The following DAZAP1 variants were observed in gnomAD, a reference collection of about 807,000 sequenced individuals.
The protein encoded by DAZAP1 is DAZ-associated protein 1.
A neutral mutation model predicts 60.1 loss-of-function variants in DAZAP1; 6 were observed. The observed-to-expected ratio is 0.10, with a 90% CI of 0.05 to 0.20. The LOEUF is 0.20. Among genes scored for constraint, DAZAP1 ranks in the 10% least tolerant of loss-of-function variants. The pLI, the probability that DAZAP1 is intolerant of heterozygous loss-of-function variation, is 1.00. For synonymous variants in DAZAP1, 235 were observed against 215.9 expected (o/e 1.09, Z -0.78); for missense variants, 366 against 560.4 (o/e 0.65, Z 3.50).
chr19:1,421,015 C>A, intron 4 of DAZAP1, 133 bp from the exon 5 acceptor site: 1 of 718,584 alleles, frequency 1.4e-6, no homozygotes, highest in Non-Finnish European at 2.4e-6. Flanking sequence ...ACTTAGCGGG[C>A]TTGTGGAGTG....
At position 1,435,410 on chromosome 19, in the gene DAZAP1, G is replaced by C. The variant is rs1359497441; in HGVS notation, c.*498G>C. ...CCCCTCGCTCCTGGCTTTGGGGGTT[G>C]GGACTTGGTGGTCCAGAAACTCTGG... is the stretch of plus-strand genomic sequence containing the variant. On this transcript the variant is annotated 3_prime_UTR_variant, in exon 12 of 12. Coordinates refer to ENST00000233078, the MANE Select transcript of DAZAP1 (RefSeq NM_018959.4). 1 of 152,240 alleles carries C rather than the reference G, an allele frequency of 6.6e-6. No individual in the cohort carries two copies. The highest frequency in any genetic ancestry group is 1.5e-5 in the Non-Finnish European group (1 of 68,030). 9.4% of individuals were successfully genotyped at this position (152,240 alleles called of 1,614,324 possible).
At chr19:1,411,109 C>T (rs1027802132) in intron 1 of DAZAP1, among the ~76,000 whole-genome samples, 2 of 152,218 alleles carry the variant, frequency 1.3e-5, no homozygotes, top group African/African-American at 4.8e-5. Flanking sequence ...GATTGTTGGT[C>T]AGGCCAGAGA....
chr19:1,418,557 G>A lies in DAZAP1; in HGVS notation c.238-109G>A, dbSNP rs1296109894. On this transcript the variant is annotated intron_variant, in intron 3 of 11. Coordinates refer to ENST00000233078, the MANE Select transcript of DAZAP1 (RefSeq NM_018959.4). This position sits in a 1 kb window ranked among gnomAD's most constrained non-coding sequence, Gnocchi z 5.7. ...AGGATACAGGGTGAATGGAGCCGGC[G>A]GGGCGGGGCGGGCCGGGCTGCTGTG... is the stretch of plus-strand genomic sequence containing the variant. 67 of 1,465,300 alleles carry A rather than the reference G, an allele frequency of 4.6e-5. No individual in the cohort carries two copies. Among genetic ancestry groups the A allele is most frequent in the Non-Finnish European group, 5.7e-5 (60 of 1,049,276 alleles). The allele number at this position is 1,465,300 out of a possible 1,614,324, so 90.8% of individuals were successfully genotyped here.
Position 1,423,855 on chromosome 19 carries a change from C to T in DAZAP1, c.463+1459C>T, listed in dbSNP as rs2083229650. Among the ~76,000 whole-genome samples the T allele has an allele frequency of 2.6e-5, 4 of 152,170 alleles. No individual in the cohort carries two copies. The highest frequency in any genetic ancestry group is 2.9e-5 in the Non-Finnish European group (2 of 68,018). ...CGCGTCCTGTCCTGTCCCGTGTGGACGGGACGTGGCGAGTGTCGCTGAGTC... is the reference window on the plus strand; with the variant it reads ...CGCGTCCTGTCCTGTCCCGTGTGGATGGGACGTGGCGAGTGTCGCTGAGTC... On this transcript the variant is annotated intron_variant, in intron 6 of 11. Coordinates refer to ENST00000233078, the MANE Select transcript of DAZAP1 (RefSeq NM_018959.4). This position sits in a 1 kb window ranked among gnomAD's most constrained non-coding sequence, Gnocchi z 6.8.
intron 7 of DAZAP1, chr19:1,427,775 G>C (rs944544122): frequency 6.6e-6 from 1 of 152,376 alleles, no homozygotes; most frequent in Admixed American, 6.5e-5. Context: ...CATTGGGCAG[G>C]TGGGGGCTTT....
chr19:1,435,163 C>T lies in DAZAP1; in HGVS notation c.*251C>T, dbSNP rs2083567738. 3.7e-6 allele frequency: 1 copy of T among 269,946 alleles called. No homozygotes were observed. Among genetic ancestry groups the T allele is most frequent in the African/African-American group, 2.2e-5 (1 of 45,630 alleles). The allele number at this position is 269,946 out of a possible 1,614,324, so 16.7% of individuals were successfully genotyped here. A position where few individuals can be genotyped will look rare whatever the true frequency, so the allele number is the denominator to read the frequency against. ...CAGGGTTTAAAAAAAATGTCTTCAGCTTTAATTCAAAACTTCAGGTTTCTT... is the reference window on the plus strand; with the variant it reads ...CAGGGTTTAAAAAAAATGTCTTCAGTTTTAATTCAAAACTTCAGGTTTCTT... On this transcript the variant is annotated 3_prime_UTR_variant, in exon 12 of 12. Coordinates refer to ENST00000233078, the MANE Select transcript of DAZAP1 (RefSeq NM_018959.4).
At chr19:1,421,875 G>T (rs1451619437) in intron 5 of DAZAP1, among the ~76,000 whole-genome samples, 1 of 152,244 alleles carries the variant, frequency 6.6e-6, no homozygotes, top group East Asian at 1.9e-4. Context: ...GGCCAGGAAT[G>T]AGAGGCCTGA....
rs2083224163 is a variant in DAZAP1 at position 1,423,692 on chromosome 19, A to G, written c.463+1296A>G. 6.6e-6 allele frequency among the ~76,000 whole-genome samples: 1 copy of G among 152,206 alleles called. No individual in the cohort carries two copies. The highest frequency in any genetic ancestry group is 1.5e-5 in the Non-Finnish European group (1 of 68,028). The stretch of plus-strand genomic sequence containing the variant: ...CAGTTTGCGAAAATGTCTACTTCTA[A>G]ATACGTTGTTTCATCACCGATGCTG... On this transcript the variant is annotated intron_variant, in intron 6 of 11. Coordinates refer to ENST00000233078, the MANE Select transcript of DAZAP1 (RefSeq NM_018959.4). The surrounding 1 kb of genome is among the most constrained non-coding windows in gnomAD (Gnocchi z 6.8).
At position 1,433,311 on chromosome 19, in the gene DAZAP1, C is replaced by A; in HGVS notation, c.1048+621C>A. 4.4e-6 allele frequency: 1 copy of A among 227,414 alleles called. No individual in the cohort carries two copies. The highest frequency in any genetic ancestry group is 8.9e-6 in the Non-Finnish European group (1 of 112,308). 14.1% of individuals were successfully genotyped at this position (227,414 alleles called of 1,614,324 possible). A position where few individuals can be genotyped will look rare whatever the true frequency, so the allele number is the denominator to read the frequency against. ...TGCACTGAGCCAGGAGTCACAGCAGCCTTGCTCAGGACCAACGCGGTGGCC... is the reference window on the plus strand; with the variant it reads ...TGCACTGAGCCAGGAGTCACAGCAGACTTGCTCAGGACCAACGCGGTGGCC... On this transcript the variant is annotated intron_variant, in intron 11 of 11. Coordinates refer to ENST00000233078, the MANE Select transcript of DAZAP1 (RefSeq NM_018959.4). This position sits in a 1 kb window ranked among gnomAD's most constrained non-coding sequence, Gnocchi z 6.1.
chr19:1,432,957 G>C lies in DAZAP1; in HGVS notation c.1048+267G>C. On this transcript the variant is annotated intron_variant, in intron 11 of 11. Transcript: ENST00000233078. The surrounding 1 kb of genome is among the most constrained non-coding windows in gnomAD (Gnocchi z 4.9). ...CTGCATGTGTGGGAACCTGAGTGGC[G>C]ACTGGGTCGAGGGAAGTGAGTCGCA... The C allele has an allele frequency of 2.1e-6, 1 of 469,804 alleles. No homozygotes were observed. Among genetic ancestry groups the C allele is most frequent in the East Asian group, 3.8e-5 (1 of 26,320 alleles). 29.1% of individuals were successfully genotyped at this position (469,804 alleles called of 1,614,324 possible). A position where few individuals can be genotyped will look rare whatever the true frequency, so the allele number is the denominator to read the frequency against.
chr19:1,434,129 C>T lies in DAZAP1; in HGVS notation c.1049-608C>T. 1 of 391,138 alleles carries T rather than the reference C, an allele frequency of 2.6e-6. No homozygotes were observed. The highest frequency in any genetic ancestry group is 4.7e-6 in the Non-Finnish European group (1 of 211,510). The allele number at this position is 391,138 out of a possible 1,614,324, so 24.2% of individuals were successfully genotyped here. A position where few individuals can be genotyped will look rare whatever the true frequency, so the allele number is the denominator to read the frequency against. ...CAGCTCTGTCCTTGTAAAGACACCGCTGTCCATGCTCCTGAGGTCGGCTGT... is the reference window on the plus strand; with the variant it reads ...CAGCTCTGTCCTTGTAAAGACACCGTTGTCCATGCTCCTGAGGTCGGCTGT... On this transcript the variant is annotated intron_variant, in intron 11 of 11. Transcript: ENST00000233078. The surrounding 1 kb of genome is among the most constrained non-coding windows in gnomAD (Gnocchi z 8.0).
intron 1 of DAZAP1, among the ~76,000 whole-genome samples, chr19:1,412,542 A>G (rs2082860585): frequency 1.3e-5 from 2 of 152,092 alleles, no homozygotes; most frequent in Non-Finnish European, 2.9e-5. Context: ...TCGCCTGCCA[A>G]CTGCCCCCAT....
Position 1,434,721 on chromosome 19 carries a change from G to A in DAZAP1, c.1049-16G>A, listed in dbSNP as rs1473262409. 2 of 1,609,906 alleles carry A rather than the reference G, an allele frequency of 1.2e-6. No individual in the cohort carries two copies. The highest frequency in any genetic ancestry group is 2.2e-5 in the South Asian group (2 of 90,908). ...GCCCAGGGACCGCCCCGAGCTCACA[G>A]GACTTTCTCCCCCAGCAGGTTACGG... On this transcript the variant is annotated splice_polypyrimidine_tract_variant and intron_variant, in intron 11 of 11. Coordinates refer to ENST00000233078, the MANE Select transcript of DAZAP1 (RefSeq NM_018959.4). This position sits in a 1 kb window ranked among gnomAD's most constrained non-coding sequence, Gnocchi z 8.0.
At chr19:1,429,086 A>T in intron 8 of DAZAP1, 91 bp downstream of exon 8, 1 of 1,408,044 alleles carries the variant, frequency 7.1e-7, no homozygotes. Context: ...CGGCCTCCCC[A>T]CCTCTGCTGT....
At position 1,418,948 on chromosome 19, in the gene DAZAP1, A is replaced by C. The variant is rs572745284; in HGVS notation, c.303+217A>C. The stretch of plus-strand genomic sequence containing the variant: ...ACTAATCTATCTTAGGGAAAAAAAA[A>C]ATGACAGCTCATGCCACTGATTATC... On this transcript the variant is annotated intron_variant, in intron 4 of 11. Coordinates refer to ENST00000233078, the MANE Select transcript of DAZAP1 (RefSeq NM_018959.4). This position sits in a 1 kb window ranked among gnomAD's most constrained non-coding sequence, Gnocchi z 5.7. 6.6e-6 allele frequency among the ~76,000 whole-genome samples: 1 copy of C among 152,214 alleles called. No individual in the cohort carries two copies. Among genetic ancestry groups the C allele is most frequent in the Non-Finnish European group, 1.5e-5 (1 of 68,022 alleles).
At position 1,430,382 on chromosome 19, in the gene DAZAP1, TG is replaced by T; in HGVS notation, c.871+23del. On this transcript the variant is annotated intron_variant, in intron 10 of 11. Coordinates refer to ENST00000233078, the MANE Select transcript of DAZAP1 (RefSeq NM_018959.4). ...AGTTCAGTAAGTCTAGGGGGCCTTG[TG>T]GGAGGGCCTCCCGCCTGCTCCGGAG... 1 of 1,477,506 alleles carries T rather than the reference TG, an allele frequency of 6.8e-7. No individual in the cohort carries two copies. The highest frequency in any genetic ancestry group is 9.0e-7 in the Non-Finnish European group (1 of 1,116,896). 91.5% of individuals were successfully genotyped at this position (1,477,506 alleles called of 1,614,324 possible).
rs772822346 is a variant in DAZAP1, at chr19:1,429,002, C to G, written c.700+7C>G. ...CAAGGATATGGCCCGCAAGGTAAGG[C>G]TGATGCAGAGGTGCCCACGGGAATG... On this transcript the variant is annotated splice_region_variant and intron_variant, in intron 8 of 11. Coordinates refer to ENST00000233078, the MANE Select transcript of DAZAP1 (RefSeq NM_018959.4). The G allele has an allele frequency of 5.7e-6, 9 of 1,579,394 alleles. No homozygotes were observed. The highest frequency in any genetic ancestry group is 1.8e-5 in the Admixed American group (1 of 55,036).
rs1479858117 is a variant in DAZAP1 at position 1,435,561 on chromosome 19, T to A, written c.*649T>A. 1 of 152,250 alleles carries A rather than the reference T, an allele frequency of 6.6e-6. No individual in the cohort carries two copies. Among genetic ancestry groups the A allele is most frequent in the Non-Finnish European group, 1.5e-5 (1 of 68,050 alleles). The allele number at this position is 152,250 out of a possible 1,614,324, so 9.4% of individuals were successfully genotyped here. On this transcript the variant is annotated 3_prime_UTR_variant, in exon 12 of 12. Coordinates refer to ENST00000233078, the MANE Select transcript of DAZAP1 (RefSeq NM_018959.4). ...GGTTGCGCACAGCCAGCCGCGTGGA[T>A]CCCACGCAGCGCTGAACCGAACCGA...
intron 1 of DAZAP1, among the ~76,000 whole-genome samples, chr19:1,413,117 C>T (rs2082876081): frequency 6.6e-6 from 1 of 152,212 alleles, no homozygotes; most frequent in African/African-American, 2.4e-5. Flanking sequence ...GTTGCCTTGC[C>T]CCGTTAACGT....
Sources: gnomAD v4.1 joint callset for allele counts (sites outside exome capture counted in the v4.1 genomes callset) on GRCh38, gnomAD v4.1.1 for gene constraint, Gnocchi (gnomAD v3.1) non-coding constraint, MANE v1.5 for transcripts, NCBI Gene and HGNC (gene_info 2026-07-23, HGNC 2026-07-21) for gene names.